Variants in ITSN2 observed in about 807,000 individuals in gnomAD.
ITSN2 encodes the protein intersectin 2, also known as intersectin-2.
In ITSN2, 156 loss-of-function variants were observed where a neutral mutation model predicts 243.7. The ratio of observed to expected loss-of-function variants is 0.64; its 90% CI spans 0.56 to 0.73. The LOEUF is 0.73. ITSN2 is among the 30% of genes least tolerant of loss of function. The probability of loss-of-function intolerance (pLI) is 0.00; values close to 1 mark genes in which losing one functional copy is unlikely to be tolerated. For missense variants in ITSN2, 1,801 were observed against 1,996.1 expected (o/e 0.90, Z 1.86); for synonymous variants, 703 against 699.9 (o/e 1.00, Z -0.07).
intron 16 of ITSN2, among the ~76,000 whole-genome samples, 178 bp from the exon 17 acceptor site, chr2:24,285,021 C>G (rs904778136): frequency 2.7e-5 from 4 of 150,886 alleles, no homozygotes; most frequent in Non-Finnish European, 4.4e-5. Flanking sequence ...CTCAGCCTCC[C>G]GAGTAGCTGG....
chr2:24,291,912 G>C (rs1425767480), intron 15 of ITSN2, among the ~76,000 whole-genome samples: 2 of 152,202 alleles, frequency 1.3e-5, no homozygotes, highest in African/African-American at 4.8e-5. Context: ...CAACATGGTA[G>C]TACAGTGGGC....
chr2:24,267,242 G>A (rs565499150), intron 20 of ITSN2, among the ~76,000 whole-genome samples: 7 of 152,160 alleles, frequency 4.6e-5, no homozygotes, highest in African/African-American at 1.7e-4. Flanking sequence ...GTCAGGGGGT[G>A]GGGGACTAGG....
chr2:24,220,296 T>C (rs2151143759), intron 30 of ITSN2: 9 of 983,814 alleles, frequency 9.1e-6, no homozygotes, highest in Non-Finnish European at 9.7e-6. Flanking sequence ...CACTGGGAAC[T>C]GAAAGGCATG....
At chr2:24,236,976 A>G (rs1573960104) in intron 29 of ITSN2, among the ~76,000 whole-genome samples, 2 of 151,756 alleles carry the variant, frequency 1.3e-5, no homozygotes, top group Admixed American at 1.3e-4. Context: ...GATTACAGGC[A>G]TGAGCCACCA....
chr2:24,275,465 A>C (rs1677894752), intron 18 of ITSN2, among the ~76,000 whole-genome samples: 1 of 152,200 alleles, frequency 6.6e-6, no homozygotes, highest in Non-Finnish European at 1.5e-5. Context: ...AACCAAGGTC[A>C]CCCAGGTAGT....
chr2:24,308,595 T>G (rs1291456336), intron 8 of ITSN2, 22 bp downstream of exon 8: 6 of 1,418,086 alleles, frequency 4.2e-6, no homozygotes, highest in Non-Finnish European at 5.6e-6. Context: ...TTTCATGCTC[T>G]TCAGCACTGT....
intron 23 of ITSN2, among the ~76,000 whole-genome samples, chr2:24,255,446 T>C (rs1246696231): frequency 2.6e-5 from 4 of 151,692 alleles, no homozygotes; most frequent in Admixed American, 2.0e-4. Context: ...CTGGCCAACA[T>C]GGCAAAACCT....
chr2:24,217,731 C>A (rs1487562120), intron 31 of ITSN2, among the ~76,000 whole-genome samples, 176 bp downstream of exon 31: 2 of 152,104 alleles, frequency 1.3e-5, no homozygotes, highest in Non-Finnish European at 2.9e-5. Flanking sequence ...TTCTTCAATA[C>A]TTATGTATTT....
intron 7 of ITSN2, among the ~76,000 whole-genome samples, chr2:24,309,111 G>A (rs1574258431): frequency 6.6e-6 from 1 of 152,184 alleles, no homozygotes; most frequent in East Asian, 1.9e-4. Flanking sequence ...TCAAGTCTGT[G>A]AAAAAACTGT....
At chr2:24,253,586 T>A (rs1674634433) in intron 24 of ITSN2, among the ~76,000 whole-genome samples, 1 of 152,250 alleles carries the variant, frequency 6.6e-6, no homozygotes, top group African/African-American at 2.4e-5. Context: ...TGGATTCATA[T>A]GTCCTACTCT....
chr2:24,336,024 G>A (rs1029245444), intron 1 of ITSN2, among the ~76,000 whole-genome samples: 2 of 151,578 alleles, frequency 1.3e-5, no homozygotes, highest in African/African-American at 2.4e-5. Context: ...GGTGGATCAC[G>A]AGGTCAGGAG....
chr2:24,273,675 G>C (rs1677661680), intron 18 of ITSN2: 1 of 152,060 alleles, frequency 6.6e-6, no homozygotes, highest in Non-Finnish European at 1.5e-5. Flanking sequence ...AGGATGTCAG[G>C]CCCCTCTACT....
At chr2:24,260,456 C>CT (rs1384958881) in intron 22 of ITSN2, among the ~76,000 whole-genome samples, 6 of 145,362 alleles carry the variant, frequency 4.1e-5, no homozygotes, top group Admixed American at 2.7e-4. Context: ...TCCCAAATAA[C>CT]TTTAAGAAAA....
intron 2 of ITSN2, among the ~76,000 whole-genome samples, chr2:24,327,122 T>C (rs1306625126): frequency 6.6e-6 from 1 of 152,052 alleles, no homozygotes; most frequent in Non-Finnish European, 1.5e-5. Flanking sequence ...TAGATTTCTT[T>C]AGCGATTTAA....
At chr2:24,212,515 T>C in intron 33 of ITSN2, 135 bp downstream of exon 33, 1 of 633,302 alleles carries the variant, frequency 1.6e-6, no homozygotes, top group Non-Finnish European at 2.7e-6. Context: ...CCCGGGACAG[T>C]GGGATCACTT....
At chr2:24,273,866 C>T (rs1039682289) in intron 18 of ITSN2, 11 of 152,326 alleles carry the variant, frequency 7.2e-5, no homozygotes, top group African/African-American at 2.4e-4. Context: ...ATTACCAATA[C>T]CTTGGGGAAA....
At chr2:24,345,380 C>T (rs1687431238) in intron 1 of ITSN2, among the ~76,000 whole-genome samples, 2 of 152,146 alleles carry the variant, frequency 1.3e-5, no homozygotes, top group African/African-American at 2.4e-5. Context: ...GTACCATCTC[C>T]AAGATAACCA....
chr2:24,357,472 TGTG>T (rs1688552047), intron 1 of ITSN2, among the ~76,000 whole-genome samples: 1 of 151,916 alleles, frequency 6.6e-6, no homozygotes, highest in Non-Finnish European at 1.5e-5. Context: ...CAGGACCTGT[TGTG>T]GGGGGGCAAT....
At chr2:24,266,174 T>G (rs1676637132) in intron 20 of ITSN2, among the ~76,000 whole-genome samples, 1 of 152,234 alleles carries the variant, frequency 6.6e-6, no homozygotes, top group Non-Finnish European at 1.5e-5. Flanking sequence ...CTTCATTCTC[T>G]GGGTTCCCAC....
Sources: allele counts gnomAD v4.1 joint callset (sites outside exome capture counted in the v4.1 genomes callset), GRCh38; gene constraint gnomAD v4.1.1; transcripts MANE v1.5; gene names NCBI Gene and HGNC (gene_info 2026-07-23, HGNC 2026-07-21).